Variants in STX8 observed in about 807,000 individuals in gnomAD.
The protein encoded by STX8 is syntaxin-8.
STX8 carries 23 observed loss-of-function variants against 37.5 expected under a neutral mutation model. The ratio of observed to expected loss-of-function variants is 0.61; its 90% confidence interval spans 0.44 to 0.87. The LOEUF is 0.87. STX8 is among the 40% of genes least tolerant of loss of function. The pLI is 0.00. For synonymous variants in STX8, 115 were observed against 99.1 expected (o/e 1.16, Z -0.95); for missense variants, 313 against 284.7 (o/e 1.10, Z -0.71).
At chr17:9,529,247 T>TAGAG (rs10536811) in intron 4 of STX8, among the ~76,000 whole-genome samples, 1 of 150,132 alleles carries the variant, frequency 6.7e-6, no homozygotes, top group Non-Finnish European at 1.5e-5. Context: ...ACATAGCTCT[T>TAGAG]AGAGAGAGAG....
At chr17:9,458,204 C>T (rs1905238217) in intron 6 of STX8, among the ~76,000 whole-genome samples, 1 of 152,228 alleles carries the variant, frequency 6.6e-6, no homozygotes, top group African/African-American at 2.4e-5. Flanking sequence ...GGCTGGAGTG[C>T]AGTGGCGCCA....
intron 6 of STX8, among the ~76,000 whole-genome samples, chr17:9,461,803 A>T (rs113677044): frequency 0.029 from 4,389 of 152,038 alleles, 213 homozygotes; most frequent in African/African-American, 0.098. Context: ...ATGTAGACTC[A>T]GTGGGAGCCC....
chr17:9,348,145 G>A (rs763464330), intron 7 of STX8, among the ~76,000 whole-genome samples: 4 of 152,070 alleles, frequency 2.6e-5, no homozygotes, highest in Non-Finnish European at 5.9e-5. Flanking sequence ...ATGGGAACCT[G>A]CTGGGCGCGG....
chr17:9,504,897 C>T, intron 5 of STX8, 141 bp downstream of exon 5: 1 of 787,464 alleles, frequency 1.3e-6, no homozygotes, highest in East Asian at 3.2e-5. Context: ...TCGTTTGAAC[C>T]CGGGAGGTGG....
intron 7 of STX8, among the ~76,000 whole-genome samples, chr17:9,354,785 C>A (rs1567795435): frequency 6.6e-6 from 1 of 152,188 alleles, no homozygotes; most frequent in East Asian, 1.9e-4. Flanking sequence ...GGAAAACATA[C>A]CATCTATTTT....
chr17:9,569,403 C>T (rs1209093168), intron 1 of STX8: 1 of 154,552 alleles, frequency 6.5e-6, no homozygotes, highest in Non-Finnish European at 1.5e-5. Flanking sequence ...AGAAGCTGGG[C>T]TTGCAGATGC....
intron 7 of STX8, among the ~76,000 whole-genome samples, chr17:9,311,945 T>G (rs967859762): frequency 2.6e-5 from 4 of 151,866 alleles, no homozygotes; most frequent in African/African-American, 9.7e-5. Context: ...CATCCCAGGT[T>G]CAAGCTATTC....
chr17:9,364,353 A>G (rs1022431759), intron 7 of STX8, among the ~76,000 whole-genome samples: 7 of 152,142 alleles, frequency 4.6e-5, no homozygotes, highest in Non-Finnish European at 1.0e-4. Context: ...TATCTTCATG[A>G]TGGAGAAGTC....
intron 6 of STX8, among the ~76,000 whole-genome samples, chr17:9,390,350 C>T (rs540948082): frequency 2.0e-5 from 3 of 150,712 alleles, no homozygotes; most frequent in South Asian, 2.1e-4. Context: ...GATGAAACCC[C>T]GTCTCTACTA....
At chr17:9,527,004 C>T (rs941569586) in intron 4 of STX8, among the ~76,000 whole-genome samples, 1 of 149,364 alleles carries the variant, frequency 6.7e-6, no homozygotes, top group Non-Finnish European at 1.5e-5. Context: ...AAGGTGAAAC[C>T]CCGTCTCTAC....
chr17:9,329,050 CAAAAAAAA>C (rs998679728), intron 7 of STX8, among the ~76,000 whole-genome samples: 1,531 of 27,742 alleles, frequency 0.055, 22 homozygotes, highest in African/African-American at 0.11. Context: ...GATTCCATCT[CAAAAAAAA>C]AAAAAAAAAA....
chr17:9,403,790 G>A (rs1356930724), intron 6 of STX8, among the ~76,000 whole-genome samples: 2 of 152,050 alleles, frequency 1.3e-5, no homozygotes, highest in Non-Finnish European at 2.9e-5. Context: ...GGGAGTACAG[G>A]AGTCTGCAAC....
At chr17:9,431,448 GTT>G (rs1418888787) in intron 6 of STX8, among the ~76,000 whole-genome samples, 175 of 128,460 alleles carry the variant, frequency 1.4e-3, no homozygotes, top group African/African-American at 5.4e-3. Flanking sequence ...TGTTGTTGTT[GTT>G]TTGTTTTTTT....
At chr17:9,536,560 A>C (rs1226956902) in intron 4 of STX8, among the ~76,000 whole-genome samples, 1 of 152,172 alleles carries the variant, frequency 6.6e-6, no homozygotes, top group East Asian at 1.9e-4. Context: ...CAGGACAATA[A>C]GCACAACCTG....
intron 7 of STX8, among the ~76,000 whole-genome samples, chr17:9,326,113 G>C (rs1189291831): frequency 6.6e-6 from 1 of 150,540 alleles, no homozygotes; most frequent in African/African-American, 2.5e-5. Flanking sequence ...AGCCACCTTT[G>C]GTTCTTCCCT....
intron 5 of STX8, among the ~76,000 whole-genome samples, chr17:9,496,295 C>T (rs1431547465): frequency 1.3e-5 from 2 of 152,088 alleles, no homozygotes; most frequent in African/African-American, 2.4e-5. Flanking sequence ...AGGCTGGTCT[C>T]GAACTCCTGA....
intron 7 of STX8, among the ~76,000 whole-genome samples, chr17:9,323,873 C>A (rs184936303): frequency 6.6e-6 from 1 of 151,980 alleles, no homozygotes; most frequent in Admixed American, 6.6e-5. Context: ...AGAAAGGGAA[C>A]GAGAAGAATG....
chr17:9,262,593 T>TTTTTTTG (rs1907081877), intron 7 of STX8, among the ~76,000 whole-genome samples: 2 of 113,356 alleles, frequency 1.8e-5, no homozygotes, highest in Admixed American at 1.8e-4. Flanking sequence ...TGTTTTTTTG[T>TTTTTTTG]TTTTTTTGAG....
intron 7 of STX8, among the ~76,000 whole-genome samples, chr17:9,327,233 AGGAGGACAGAGGAG>A (rs1909791847): frequency 6.7e-6 from 1 of 149,164 alleles, no homozygotes; most frequent in African/African-American, 2.5e-5. Flanking sequence ...AGAAGGAGGA[AGGAGGACAGAGGAG>A]GAAGGAGGAA....
Sources: gnomAD v4.1 joint callset for allele counts (sites outside exome capture counted in the v4.1 genomes callset) on GRCh38, gnomAD v4.1.1 for gene constraint, MANE v1.5 for transcripts, NCBI Gene and HGNC (gene_info 2026-07-23, HGNC 2026-07-21) for gene names.